The following CHD5 variants were observed in gnomAD, a reference collection of about 807,000 sequenced individuals.
CHD5 encodes chromodomain helicase DNA binding protein 5, also known as ATP-dependent chromatin remodeler CHD5.
CHD5 carries 69 observed loss-of-function variants against 230.3 expected under a neutral mutation model. The ratio of observed to expected loss-of-function variants is 0.30; its 90% CI spans 0.25 to 0.37. CHD5 has a LOEUF of 0.37. CHD5 is among the 10% of genes least tolerant of loss of function. CHD5 has a pLI of 1.00. For missense variants in CHD5, 1,827 were observed against 2,622.8 expected (o/e 0.70, Z 6.63); for synonymous variants, 1,064 against 1,065.9 (o/e 1.00, Z 0.03).
At chr1:6,178,730 T>C (rs965433071) in intron 1 of CHD5, among the ~76,000 whole-genome samples, 2 of 152,036 alleles carry the variant, frequency 1.3e-5, no homozygotes, top group Non-Finnish European at 1.5e-5. Context: ...GTGACAGCAT[T>C]AAAGCCACCA....
chr1:6,165,546 T>A (rs1275408839), intron 2 of CHD5, among the ~76,000 whole-genome samples: 3 of 151,552 alleles, frequency 2.0e-5, no homozygotes, highest in Admixed American at 6.6e-5. Flanking sequence ...AAAATCCACA[T>A]CACCCCGAGC....
At chr1:6,137,047 G>A (rs58155258) in intron 15 of CHD5, among the ~76,000 whole-genome samples, 182 bp from the exon 16 acceptor site, 63,614 of 151,602 alleles carry the variant, frequency 0.42, 14,147 homozygotes, top group East Asian at 0.8. Flanking sequence ...GGCATCCACT[G>A]AGGCTCAGAA....
At chr1:6,135,080 G>C (rs1023973069) in intron 18 of CHD5, 150 bp downstream of exon 18, 3 of 1,014,260 alleles carry the variant, frequency 3.0e-6, no homozygotes, top group Admixed American at 2.2e-5. Flanking sequence ...TAAAACCTGA[G>C]AAGAGGCCCC....
At chr1:6,151,401 A>G (rs938839648) in intron 6 of CHD5, among the ~76,000 whole-genome samples, 4 of 152,120 alleles carry the variant, frequency 2.6e-5, no homozygotes, top group Admixed American at 2.0e-4. Context: ...TCCACCTCTG[A>G]ACAGCTTCCC....
chr1:6,139,538 ATTTT>A (rs34914652), intron 15 of CHD5, among the ~76,000 whole-genome samples: 1 of 139,206 alleles, frequency 7.2e-6, no homozygotes. Context: ...TGCCCGGCTG[ATTTT>A]TTTTTTTTTT....
rs113866637 is a variant in CHD5, at chr1:6,154,407, C to T, written c.745+253G>A. Among the ~76,000 whole-genome samples, 1,908 of 152,310 alleles carry T rather than the reference C, an allele frequency of 0.013. 31 individuals carry two copies. The highest frequency in any genetic ancestry group is 0.043 in the African/African-American group (1,794 of 41,566). ...TCCTGGCTGGCCAGGCTCAAACCTC[C>T]CAGACCTCTGCCCACATCATCGCCT... On this transcript the variant is annotated intron_variant, in intron 5 of 41. Coordinates refer to ENST00000262450, the MANE Select transcript of CHD5 (RefSeq NM_015557.3). The surrounding 1 kb of genome is among the most constrained non-coding windows in gnomAD (Gnocchi z 7.0).
At chr1:6,140,199 G>A (rs1162187427) in intron 15 of CHD5, among the ~76,000 whole-genome samples, 13 of 152,026 alleles carry the variant, frequency 8.6e-5, no homozygotes, top group Admixed American at 8.5e-4. Flanking sequence ...TCAAGAGATC[G>A]AGACCATCCT....
chr1:6,134,110 T>C lies in CHD5; in HGVS notation c.3144+18A>G. 1 of 1,260,276 alleles carries C rather than the reference T, an allele frequency of 7.9e-7. No individual in the cohort carries two copies. Among genetic ancestry groups the C allele is most frequent in the Non-Finnish European group, 1.1e-6 (1 of 910,070 alleles). 78.1% of individuals were successfully genotyped at this position (1,260,276 alleles called of 1,614,324 possible). A position where few individuals can be genotyped will look rare whatever the true frequency, so the allele number is the denominator to read the frequency against. ...GTGGGGTGTGGAGCCGGGGCGGGGG[T>C]GGGCAGGGGCAGCGCACCTGGGAGA... On this transcript the variant is annotated intron_variant, in intron 20 of 41. Coordinates refer to ENST00000262450, the MANE Select transcript of CHD5 (RefSeq NM_015557.3). This position sits in a 1 kb window ranked among gnomAD's most constrained non-coding sequence, Gnocchi z 6.3.
At position 6,125,440 on chromosome 1, in the gene CHD5, G is replaced by A. The variant is rs879865684; in HGVS notation, c.4260+84C>T. The A allele has an allele frequency of 2.4e-5, 34 of 1,420,292 alleles. No individual in the cohort carries two copies. In the Admixed American group the frequency reaches 5.2e-4, roughly 22 times the overall value. 88.0% of individuals were successfully genotyped at this position (1,420,292 alleles called of 1,614,324 possible). ...TCCGCCTCTACCTGGCATGAGACCCGGGGCAGTCCCCCAGCCCTCCTCCAT... is the reference window on the plus strand; with the variant it reads ...TCCGCCTCTACCTGGCATGAGACCCAGGGCAGTCCCCCAGCCCTCCTCCAT... On this transcript the variant is annotated intron_variant, in intron 28 of 41. Coordinates refer to ENST00000262450, the MANE Select transcript of CHD5 (RefSeq NM_015557.3). The surrounding 1 kb of genome is among the most constrained non-coding windows in gnomAD (Gnocchi z 6.7).
intron 3 of CHD5, among the ~76,000 whole-genome samples, chr1:6,158,011 A>T (rs577521538): frequency 1.3e-5 from 2 of 152,282 alleles, no homozygotes; most frequent in East Asian, 3.9e-4. Context: ...CAACTGTACT[A>T]ATATTTACAG....
chr1:6,144,773 T>C (rs12729395), intron 11 of CHD5, among the ~76,000 whole-genome samples: 38,752 of 152,042 alleles, frequency 0.25, 5,602 homozygotes, highest in East Asian at 0.51. Context: ...AGGGCCGGGC[T>C]GGGGCTTGAC....
chr1:6,146,914 G>T lies in CHD5; in HGVS notation c.1384-43C>A. On this transcript the variant is annotated intron_variant, in intron 9 of 41. Coordinates refer to ENST00000262450, the MANE Select transcript of CHD5 (RefSeq NM_015557.3). This position sits in a 1 kb window ranked among gnomAD's most constrained non-coding sequence, Gnocchi z 5.1. ...TCCCCAAGGTGGGGCTCAGCTGCAG[G>T]GCCCCACCCTGAGGCTCCCATGACA... is the stretch of plus-strand genomic sequence containing the variant. 1 of 1,403,494 alleles carries T rather than the reference G, an allele frequency of 7.1e-7. No homozygotes were observed. The allele number at this position is 1,403,494 out of a possible 1,614,324, so 86.9% of individuals were successfully genotyped here.
chr1:6,124,819 C>A (rs894554509), intron 29 of CHD5, among the ~76,000 whole-genome samples, 158 bp from the exon 30 acceptor site: 1 of 152,142 alleles, frequency 6.6e-6, no homozygotes, highest in Non-Finnish European at 1.5e-5. Context: ...ACAGAGAGGG[C>A]CTCCCTGGCG....
At chr1:6,166,768 C>G (rs1239449234) in intron 2 of CHD5, among the ~76,000 whole-genome samples, 1 of 152,128 alleles carries the variant, frequency 6.6e-6, no homozygotes, top group African/African-American at 2.4e-5. Context: ...ACCCTCGCCC[C>G]CCACCACCAC....
At position 6,155,855 on chromosome 1, in the gene CHD5, C is replaced by T; in HGVS notation, c.388-138G>A. 2 of 648,108 alleles carry T rather than the reference C, an allele frequency of 3.1e-6. No individual in the cohort carries two copies. Among genetic ancestry groups the T allele is most frequent in the East Asian group, 2.7e-5 (1 of 36,686 alleles). The allele number at this position is 648,108 out of a possible 1,614,324, so 40.1% of individuals were successfully genotyped here. A position where few individuals can be genotyped will look rare whatever the true frequency, so the allele number is the denominator to read the frequency against. On this transcript the variant is annotated intron_variant, in intron 3 of 41. Coordinates refer to ENST00000262450, the MANE Select transcript of CHD5 (RefSeq NM_015557.3). This position sits in a 1 kb window ranked among gnomAD's most constrained non-coding sequence, Gnocchi z 4.0. ...GTCTGCAATGTAACCAGACCATTCT[C>T]ACCCACCCTAGGAAACATTCAAGCC...
chr1:6,179,577 C>T (rs1667481419), intron 1 of CHD5, among the ~76,000 whole-genome samples: 1 of 151,206 alleles, frequency 6.6e-6, no homozygotes, highest in Non-Finnish European at 1.5e-5. Flanking sequence ...GCGCGGGGTG[C>T]GCCGCTCCGG....
In CHD5 at chr1:6,128,444, A is replaced by C. The variant is rs1666598396; in HGVS notation, c.3730+55T>G. On this transcript the variant is annotated intron_variant, in intron 24 of 41. Transcript: ENST00000262450. This position sits in a 1 kb window ranked among gnomAD's most constrained non-coding sequence, Gnocchi z 7.8. ...GCAGGTCAGGGAACCCCTCCTCTGC[A>C]GGAGCAGCCACCTGGTCGGAGGAGG... The C allele has an allele frequency of 6.2e-6, 9 of 1,440,154 alleles. No individual in the cohort carries two copies. The highest frequency in any genetic ancestry group is 7.8e-6 in the Non-Finnish European group (8 of 1,028,010). 89.2% of individuals were successfully genotyped at this position (1,440,154 alleles called of 1,614,324 possible). A position where few individuals can be genotyped will look rare whatever the true frequency, so the allele number is the denominator to read the frequency against.
chr1:6,171,514 C>CG (rs1034222656), intron 1 of CHD5, among the ~76,000 whole-genome samples: 1 of 151,892 alleles, frequency 6.6e-6, no homozygotes, highest in East Asian at 1.9e-4. Flanking sequence ...ACTGCCCCCC[C>CG]CAACACCTCA....
intron 1 of CHD5, among the ~76,000 whole-genome samples, chr1:6,173,112 T>C (rs1255089870): frequency 2.7e-5 from 4 of 150,384 alleles, no homozygotes; most frequent in African/African-American, 7.3e-5. Flanking sequence ...TTATTTCTTT[T>C]TTTTTTTTTT....
Sources: gnomAD v4.1 joint callset for allele counts (sites outside exome capture counted in the v4.1 genomes callset) on GRCh38, gnomAD v4.1.1 for gene constraint, Gnocchi (gnomAD v3.1) non-coding constraint, MANE v1.5 for transcripts, NCBI Gene and HGNC (gene_info 2026-07-23, HGNC 2026-07-21) for gene names.